The following SNX29 variants were observed in gnomAD, a reference collection of about 807,000 sequenced individuals.
The protein encoded by SNX29 is sorting nexin-29.
A neutral mutation model predicts 102.1 loss-of-function variants in SNX29; 78 were observed. The observed-to-expected ratio is 0.76, with a 90% CI of 0.64 to 0.92. The LOEUF (loss-of-function observed/expected upper bound fraction) is 0.92. Among genes scored for constraint, SNX29 ranks in the 40% least tolerant of loss-of-function variants. The probability of loss-of-function intolerance (pLI) is 0.00; values close to 1 mark genes in which losing one functional copy is unlikely to be tolerated. For missense variants in SNX29, 1,280 were observed against 1,061.7 expected, an observed-to-expected ratio of 1.21 and a Z score of -2.86; for synonymous variants, 580 against 414.5, an observed-to-expected ratio of 1.40 and a Z score of -4.85.
At chr16:12,495,799 A>G (rs890798157) in intron 19 of SNX29, among the ~76,000 whole-genome samples, 1 of 152,104 alleles carries the variant, frequency 6.6e-6, no homozygotes, top group Non-Finnish European at 1.5e-5. Flanking sequence ...CACGCCTGTA[A>G]TCCCAGCACT....
At chr16:12,478,930 G>A (rs1045401965) in intron 19 of SNX29, among the ~76,000 whole-genome samples, 8 of 152,150 alleles carry the variant, frequency 5.3e-5, no homozygotes, top group African/African-American at 1.9e-4. Flanking sequence ...CATCAATTTC[G>A]GTATGTGTTC....
chr16:12,572,839 C>G lies in SNX29; in HGVS notation c.*4210C>G, dbSNP rs373587979. ...GGAGGCATCCCAGAAGGGGCAGCCT[C>G]ATGCCCAGGTTTCAGCCCTAAAGGT... On this transcript the variant is annotated 3_prime_UTR_variant, in exon 21 of 21. Transcript: ENST00000566228. 3.8e-6 allele frequency: 4 copies of G among 1,063,858 alleles called. No individual in the cohort carries two copies. Among genetic ancestry groups the G allele is most frequent in the South Asian group, 4.6e-5 (1 of 21,976 alleles). 65.9% of individuals were successfully genotyped at this position (1,063,858 alleles called of 1,614,324 possible).
chr16:12,436,232 C>A (rs965939230), intron 18 of SNX29, among the ~76,000 whole-genome samples: 1 of 152,194 alleles, frequency 6.6e-6, no homozygotes, highest in African/African-American at 2.4e-5. Flanking sequence ...AGGGCCACGC[C>A]TCCTCCCTGG....
intron 18 of SNX29, among the ~76,000 whole-genome samples, chr16:12,437,040 A>G (rs2151651474): frequency 6.6e-6 from 1 of 152,344 alleles, no homozygotes; most frequent in East Asian, 1.9e-4. Context: ...ATGAAAGGAA[A>G]GTAGCAAACC....
chr16:12,565,133 G>T (rs1465562), intron 20 of SNX29, among the ~76,000 whole-genome samples: 95 of 83,752 alleles, frequency 1.1e-3, no homozygotes, highest in African/African-American at 5.7e-3. Flanking sequence ...ATCCACATTA[G>T]CCCCCACTTC....
At chr16:12,148,159 C>A (rs1431507131) in intron 13 of SNX29, among the ~76,000 whole-genome samples, 1 of 152,190 alleles carries the variant, frequency 6.6e-6, no homozygotes, top group Non-Finnish European at 1.5e-5. Flanking sequence ...TGCATTCTTA[C>A]TTGGAAGCTC....
chr16:12,490,186 A>G (rs972248253), intron 19 of SNX29, among the ~76,000 whole-genome samples: 3 of 152,230 alleles, frequency 2.0e-5, no homozygotes, highest in Non-Finnish European at 4.4e-5. Context: ...CAAAATGAAC[A>G]CACCTAGGCA....
intron 14 of SNX29, among the ~76,000 whole-genome samples, chr16:12,211,574 CTG>C (rs1482851917): frequency 2.0e-5 from 3 of 151,294 alleles, no homozygotes; most frequent in Admixed American, 1.3e-4. Context: ...GTGTGTGTGT[CTG>C]TGTGTGTAGA....
At chr16:12,484,561 T>A (rs2088133579) in intron 19 of SNX29, among the ~76,000 whole-genome samples, 1 of 151,992 alleles carries the variant, frequency 6.6e-6, no homozygotes, top group Non-Finnish European at 1.5e-5. Flanking sequence ...CACCTCCCTC[T>A]CCTACCTTAT....
chr16:12,418,007 C>T (rs1041418316), intron 18 of SNX29, among the ~76,000 whole-genome samples: 4 of 152,052 alleles, frequency 2.6e-5, no homozygotes, highest in African/African-American at 7.3e-5. Context: ...TAGATAAAGC[C>T]GCAGGGCACG....
At chr16:12,509,158 C>T (rs1414948508) in intron 19 of SNX29, among the ~76,000 whole-genome samples, 1 of 152,186 alleles carries the variant, frequency 6.6e-6, no homozygotes, top group African/African-American at 2.4e-5. Flanking sequence ...CCACCTAATG[C>T]CACCACTGCT....
intron 20 of SNX29, among the ~76,000 whole-genome samples, chr16:12,539,222 T>TAGACCAGTTCC (rs1597822405): frequency 6.6e-6 from 1 of 152,202 alleles, no homozygotes; most frequent in Non-Finnish European, 1.5e-5. Flanking sequence ...CGTCAAGATA[T>TAGACCAGTTCC]AGACCAGTTC....
chr16:12,558,930 G>A (rs1384315419), intron 20 of SNX29, among the ~76,000 whole-genome samples: 2 of 152,320 alleles, frequency 1.3e-5, no homozygotes, highest in East Asian at 3.9e-4. Context: ...TAATCTCATA[G>A]GTGGGTTGAT....
chr16:12,519,970 C>T (rs1043410195), intron 19 of SNX29, among the ~76,000 whole-genome samples: 2 of 151,688 alleles, frequency 1.3e-5, no homozygotes, highest in Non-Finnish European at 1.5e-5. Context: ...GGCGACAGAG[C>T]GAGACTCTGT....
chr16:12,237,709 C>T (rs2077979389), intron 14 of SNX29, among the ~76,000 whole-genome samples: 1 of 151,796 alleles, frequency 6.6e-6, no homozygotes, highest in African/African-American at 2.4e-5. Flanking sequence ...GAGTTTGAGA[C>T]CAGACTGGGC....
intron 19 of SNX29, among the ~76,000 whole-genome samples, chr16:12,494,719 A>G (rs868097955): frequency 2.0e-5 from 3 of 152,060 alleles, no homozygotes; most frequent in Non-Finnish European, 4.4e-5. Flanking sequence ...TTTTGTAATG[A>G]GTTTTGAAGC....
intron 3 of SNX29, among the ~76,000 whole-genome samples, chr16:12,011,544 G>T (rs151255587): frequency 6.6e-6 from 1 of 151,944 alleles, no homozygotes; most frequent in African/African-American, 2.4e-5. Flanking sequence ...CAAAGTGCTG[G>T]GATTATAGGC....
intron 20 of SNX29, among the ~76,000 whole-genome samples, chr16:12,563,829 G>C (rs2078868317): frequency 2.0e-5 from 3 of 152,036 alleles, no homozygotes; most frequent in Non-Finnish European, 4.4e-5. Flanking sequence ...ATTTATTCAG[G>C]CTGCCTGTAA....
chr16:12,260,617 C>T (rs1012920928), intron 14 of SNX29, among the ~76,000 whole-genome samples: 3 of 108,268 alleles, frequency 2.8e-5, no homozygotes, highest in Admixed American at 1.0e-4. Flanking sequence ...CCACCTTCTC[C>T]GTCTGCTTGC....
Sources: allele counts gnomAD v4.1 joint callset (sites outside exome capture counted in the v4.1 genomes callset), GRCh38; gene constraint gnomAD v4.1.1; transcripts MANE v1.5; gene names NCBI Gene and HGNC (gene_info 2026-07-23, HGNC 2026-07-21).